Variants in RAB3IL1 observed in about 807,000 individuals in gnomAD.
RAB3IL1 encodes the protein guanine nucleotide exchange factor for Rab-3A.
A neutral mutation model predicts 49.2 loss-of-function variants in RAB3IL1; 37 were observed. The observed-to-expected ratio is 0.75, with a 90% confidence interval of 0.58 to 0.99. RAB3IL1 has a LOEUF of 0.99. RAB3IL1 is among the 50% of genes least tolerant of loss of function. The probability of loss-of-function intolerance (pLI) is 0.00; values close to 1 mark genes in which losing one functional copy is unlikely to be tolerated. For missense variants in RAB3IL1, 484 were observed against 513.0 expected, an observed-to-expected ratio of 0.94 and a Z score of 0.55; for synonymous variants, 193 against 213.9, an observed-to-expected ratio of 0.90 and a Z score of 0.85.
the RAB3IL1 span, among the ~76,000 whole-genome samples, chr11:61,929,590 A>G: frequency 6.9e-6 from 1 of 144,870 alleles, no homozygotes; most frequent in Non-Finnish European, 1.5e-5. Flanking sequence ...AACCAAGCAG[A>G]TTTTTTTTTT....
chr11:61,920,749 C>A (rs1434757199), upstream of RAB3IL1, among the ~76,000 whole-genome samples: 1 of 152,180 alleles, frequency 6.6e-6, no homozygotes, highest in Non-Finnish European at 1.5e-5. Flanking sequence ...CATGGTGAAA[C>A]CCTGTCTCTA....
chr11:61,904,704 C>T, intron 6 of RAB3IL1, 46 bp from the exon 7 acceptor site: 2 of 1,586,742 alleles, frequency 1.3e-6, no homozygotes, highest in Non-Finnish European at 1.7e-6. Flanking sequence ...GGGCTGGGCC[C>T]TGGCGGAGGG....
At chr11:61,903,929 T>C (rs890655850) in intron 7 of RAB3IL1, among the ~76,000 whole-genome samples, 3 of 152,082 alleles carry the variant, frequency 2.0e-5, no homozygotes, top group African/African-American at 7.2e-5. Flanking sequence ...CCCAATTCCC[T>C]GTCCCCCCAC....
intron 2 of RAB3IL1, 75 bp from the exon 3 acceptor site, chr11:61,907,735 A>G: frequency 7.5e-7 from 1 of 1,324,914 alleles, no homozygotes; most frequent in Non-Finnish European, 1.1e-6. Flanking sequence ...GGCCCACCGG[A>G]CCAGGTTCCA....
At chr11:61,919,226 G>A (rs1451856054), upstream of RAB3IL1, among the ~76,000 whole-genome samples, 1 of 152,240 alleles carries the variant, frequency 6.6e-6, no homozygotes, top group Admixed American at 6.5e-5. Flanking sequence ...GTCAGCTCAG[G>A]GCTATGTCCC....
rs2136039825 is a variant in RAB3IL1 at position 61,906,787 on chromosome 11, A to G, written c.439-103T>C. On this transcript the variant is annotated intron_variant, in intron 4 of 9. Coordinates refer to ENST00000394836, the MANE Select transcript of RAB3IL1 (RefSeq NM_013401.4). This position sits in a 1 kb window ranked among gnomAD's most constrained non-coding sequence, Gnocchi z 4.6. ...CAGGACAATGCACCCCTGCAGTGAC[A>G]GGCACTTAGTCCCACCCGACGCCCT... 1 of 1,115,524 alleles carries G rather than the reference A, an allele frequency of 9.0e-7. No individual in the cohort carries two copies. The highest frequency in any genetic ancestry group is 1.3e-6 in the Non-Finnish European group (1 of 761,140). The allele number at this position is 1,115,524 out of a possible 1,614,324, so 69.1% of individuals were successfully genotyped here.
At chr11:61,936,116 G>A in the RAB3IL1 span, among the ~76,000 whole-genome samples, 1 of 152,138 alleles carries the variant, frequency 6.6e-6, no homozygotes, top group East Asian at 1.9e-4. Flanking sequence ...AACAATCTGA[G>A]AAACAAGAAT....
Position 61,906,324 on chromosome 11 carries a change from C to A in RAB3IL1, c.657+142G>T. The stretch of plus-strand genomic sequence containing the variant: ...AGGAGGTTGGAGAGAAAGGACCTGC[C>A]CAGCCCTCACATCCCAGAGAGGCGC... On this transcript the variant is annotated intron_variant, in intron 5 of 9. Transcript: ENST00000394836. The surrounding 1 kb of genome is among the most constrained non-coding windows in gnomAD (Gnocchi z 4.6). The A allele has an allele frequency of 1.3e-6, 1 of 790,884 alleles. No individual in the cohort carries two copies. 49.0% of individuals were successfully genotyped at this position (790,884 alleles called of 1,614,324 possible). A position where few individuals can be genotyped will look rare whatever the true frequency, so the allele number is the denominator to read the frequency against.
chr11:61,904,492 G>A (rs1939073835), intron 7 of RAB3IL1, 54 bp downstream of exon 7: 4 of 1,507,430 alleles, frequency 2.7e-6, no homozygotes, highest in Non-Finnish European at 3.6e-6. Context: ...GTAAACACAC[G>A]GCTTGGCGGG....
intron 1 of RAB3IL1, among the ~76,000 whole-genome samples, chr11:61,915,911 G>A (rs1380892462): frequency 2.6e-5 from 4 of 151,726 alleles, no homozygotes; most frequent in South Asian, 2.1e-4. Flanking sequence ...GGTGGCGGGC[G>A]CCTGTAGTCC....
the RAB3IL1 span, among the ~76,000 whole-genome samples, chr11:61,927,314 C>G: frequency 6.6e-6 from 1 of 152,130 alleles, no homozygotes; most frequent in African/African-American, 2.4e-5. Context: ...GTTGGCAGAA[C>G]AGCGAGCCAG....
the RAB3IL1 span, among the ~76,000 whole-genome samples, chr11:61,940,649 G>A: frequency 1.3e-5 from 2 of 151,742 alleles, no homozygotes; most frequent in African/African-American, 2.4e-5. Flanking sequence ...TAGGCTGGGC[G>A]CGGTGGCTCA....
the RAB3IL1 span, among the ~76,000 whole-genome samples, chr11:61,940,887 T>C: frequency 6.6e-6 from 1 of 150,728 alleles, no homozygotes; most frequent in Non-Finnish European, 1.5e-5. Context: ...ACCACTGCAC[T>C]CCAGCCTGGG....
chr11:61,942,207 G>C, the RAB3IL1 span, among the ~76,000 whole-genome samples: 1 of 152,134 alleles, frequency 6.6e-6, no homozygotes, highest in African/African-American at 2.4e-5. Flanking sequence ...GCAAAACTCC[G>C]TCTCAAAACA....
the RAB3IL1 span, among the ~76,000 whole-genome samples, chr11:61,933,228 C>T: frequency 6.6e-6 from 1 of 152,120 alleles, no homozygotes; most frequent in Admixed American, 6.5e-5. Context: ...AAGTTAAGGA[C>T]CGTGAGATGG....
rs1200256322 is a variant in RAB3IL1 at position 61,908,300 on chromosome 11, G to A, written c.18C>T (p.Pro6=). The change falls in exon 2 of 10, where the codon CCC becomes CCT. Residue 6 remains proline, a synonymous_variant. Coordinates refer to ENST00000394836, the MANE Select transcript of RAB3IL1 (RefSeq NM_013401.4). ...GCGGCGGGAGGCCCTGGTCTGGCTG[G>A]GGTGGGCTGGAGACAAACAAGGGTA... MWSGP[P]QPDQGLPPPL... 6.8e-7 allele frequency: 1 copy of A among 1,474,332 alleles called. No homozygotes were observed. Among genetic ancestry groups the A allele is most frequent in the East Asian group, 2.4e-5 (1 of 41,888 alleles). The allele number at this position is 1,474,332 out of a possible 1,614,324, so 91.3% of individuals were successfully genotyped here.
chr11:61,937,908 A>T, the RAB3IL1 span: 1 of 152,160 alleles, frequency 6.6e-6, no homozygotes, highest in Non-Finnish European at 1.5e-5. Context: ...TCACTTCAGC[A>T]GCACATATAC....
chr11:61,901,831 C>T (rs1332402504), intron 8 of RAB3IL1, among the ~76,000 whole-genome samples: 1 of 152,258 alleles, frequency 6.6e-6, no homozygotes, highest in Non-Finnish European at 1.5e-5. Context: ...TTACTGCGAC[C>T]TTGCAAGTCC....
the RAB3IL1 span, among the ~76,000 whole-genome samples, chr11:61,928,457 G>A: frequency 1.3e-4 from 19 of 151,548 alleles, no homozygotes; most frequent in Admixed American, 8.5e-4. Context: ...CAAAATACAC[G>A]GAACTAGGAC....
Sources: gnomAD v4.1 joint callset for allele counts (sites outside exome capture counted in the v4.1 genomes callset) on GRCh38, gnomAD v4.1.1 for gene constraint, Gnocchi (gnomAD v3.1) non-coding constraint, MANE v1.5 for transcripts, NCBI Gene and HGNC (gene_info 2026-07-23, HGNC 2026-07-21) for gene names.